The following ABTB3 variants were observed in gnomAD, a reference collection of about 807,000 sequenced individuals.
ABTB3 encodes the protein ankyrin repeat and BTB domain containing 3.
the ABTB3 span, among the ~76,000 whole-genome samples, chr12:107,521,263 TTG>T: frequency 0.11 from 15,776 of 142,790 alleles, 910 homozygotes; most frequent in Non-Finnish European, 0.14. Flanking sequence ...TTCATATAAG[TTG>T]TGTGTGTGTG....
At chr12:107,553,356 C>T in the ABTB3 span, among the ~76,000 whole-genome samples, 3 of 152,206 alleles carry the variant, frequency 2.0e-5, no homozygotes, top group Non-Finnish European at 2.9e-5. Flanking sequence ...TACCTCTTCC[C>T]ATTTTACAGA....
At chr12:107,353,143 AGACAGCTCTTTG>A in the ABTB3 span, among the ~76,000 whole-genome samples, 1,363 of 152,284 alleles carry the variant, frequency 9.0e-3, 17 homozygotes, top group African/African-American at 0.031. Context: ...AGGTCATGGT[AGACAGCTCTTTG>A]GAGTTTCTGA....
At chr12:107,467,398 A>G in the ABTB3 span, among the ~76,000 whole-genome samples, 1 of 152,088 alleles carries the variant, frequency 6.6e-6, no homozygotes, top group Admixed American at 6.5e-5. Context: ...GTCCCCCACA[A>G]GCCTGGTGTG....
chr12:107,607,753 C>T, the ABTB3 span, among the ~76,000 whole-genome samples: 1 of 152,184 alleles, frequency 6.6e-6, no homozygotes, highest in African/African-American at 2.4e-5. Flanking sequence ...GCATCTCCTA[C>T]CCCTGGATTC....
At chr12:107,450,985 T>A in the ABTB3 span, among the ~76,000 whole-genome samples, 1 of 152,154 alleles carries the variant, frequency 6.6e-6, no homozygotes, top group African/African-American at 2.4e-5. Flanking sequence ...TATGTGTTTT[T>A]TTTTTTAAAT....
chr12:107,352,317 C>A, the ABTB3 span, among the ~76,000 whole-genome samples: 2 of 152,034 alleles, frequency 1.3e-5, no homozygotes, highest in East Asian at 1.9e-4. Flanking sequence ...AGGGAGGGCA[C>A]GCATGGAGCA....
the ABTB3 span, among the ~76,000 whole-genome samples, chr12:107,615,821 T>A: frequency 9.2e-5 from 14 of 152,316 alleles, no homozygotes; most frequent in African/African-American, 3.1e-4. Flanking sequence ...TTCTAAATCA[T>A]AAGCTTGATC....
the ABTB3 span, among the ~76,000 whole-genome samples, chr12:107,566,648 TACACACACACACACACAC>T: frequency 7.3e-6 from 1 of 136,368 alleles, no homozygotes; most frequent in Non-Finnish European, 1.5e-5. Flanking sequence ...CTAATTTAAA[TACACACACACACACACAC>T]ACACACACAC....
chr12:107,380,062 G>C, the ABTB3 span, among the ~76,000 whole-genome samples: 1 of 151,988 alleles, frequency 6.6e-6, no homozygotes, highest in Non-Finnish European at 1.5e-5. Flanking sequence ...GCTGTGATTC[G>C]TCTGTGACCC....
At chr12:107,346,976 T>C in the ABTB3 span, among the ~76,000 whole-genome samples, 1 of 152,214 alleles carries the variant, frequency 6.6e-6, no homozygotes, top group Non-Finnish European at 1.5e-5. Context: ...TTACAGTGAC[T>C]GTTATAACCA....
chr12:107,575,391 G>A, the ABTB3 span, among the ~76,000 whole-genome samples: 3 of 152,052 alleles, frequency 2.0e-5, no homozygotes, highest in East Asian at 3.9e-4. Context: ...GGTACCAGGC[G>A]CCACGCTAAG....
At chr12:107,508,957 C>T in the ABTB3 span, among the ~76,000 whole-genome samples, 1 of 152,202 alleles carries the variant, frequency 6.6e-6, no homozygotes, top group Non-Finnish European at 1.5e-5. Flanking sequence ...GTGACATTTT[C>T]ATAGCTACCC....
chr12:107,372,184 G>T, the ABTB3 span, among the ~76,000 whole-genome samples: 1 of 152,160 alleles, frequency 6.6e-6, no homozygotes, highest in Non-Finnish European at 1.5e-5. Context: ...ATACCTATTT[G>T]TTGGATCAAT....
At chr12:107,406,981 T>A in the ABTB3 span, among the ~76,000 whole-genome samples, 1 of 152,138 alleles carries the variant, frequency 6.6e-6, no homozygotes, top group Non-Finnish European at 1.5e-5. Context: ...CCCTGCAATT[T>A]GGCTGCTTTT....
chr12:107,573,530 G>A, the ABTB3 span, among the ~76,000 whole-genome samples: 2 of 151,082 alleles, frequency 1.3e-5, no homozygotes, highest in Non-Finnish European at 2.9e-5. Context: ...CAGATGGTGA[G>A]TGGACAGATA....
the ABTB3 span, among the ~76,000 whole-genome samples, chr12:107,530,137 G>A: frequency 6.6e-6 from 1 of 152,122 alleles, no homozygotes; most frequent in African/African-American, 2.4e-5. Context: ...GGAAATGCAG[G>A]GCAAGCTGAA....
the ABTB3 span, among the ~76,000 whole-genome samples, chr12:107,582,689 G>C: frequency 6.6e-6 from 1 of 152,190 alleles, no homozygotes; most frequent in Non-Finnish European, 1.5e-5. Context: ...GGGAACCATT[G>C]GTGGAGCAGC....
the ABTB3 span, among the ~76,000 whole-genome samples, chr12:107,349,570 C>T: frequency 1.3e-5 from 2 of 152,146 alleles, no homozygotes; most frequent in Non-Finnish European, 2.9e-5. Context: ...GTCTTTGTTT[C>T]TTCAGCTGTA....
the ABTB3 span, among the ~76,000 whole-genome samples, chr12:107,458,302 G>A: frequency 6.6e-6 from 1 of 152,188 alleles, no homozygotes. Flanking sequence ...ACAGAATGGG[G>A]TCAGAAGTTA....
Sources: allele counts gnomAD v4.1 joint callset (sites outside exome capture counted in the v4.1 genomes callset), GRCh38; gene constraint gnomAD v4.1.1; transcripts MANE v1.5; gene names NCBI Gene and HGNC (gene_info 2026-07-23, HGNC 2026-07-21).